HSF5: variants seen among roughly 807,000 people sequenced by gnomAD.
HSF5 encodes the protein heat shock factor protein 5.
Under a neutral mutation model 50.8 loss-of-function variants are expected in HSF5, and 5 were observed. The observed-to-expected ratio is 0.10, with a 90% CI of 0.05 to 0.21. The LOEUF (loss-of-function observed/expected upper bound fraction) is 0.21. HSF5 is among the 10% of genes least tolerant of loss of function. The pLI, the probability that HSF5 is intolerant of heterozygous loss-of-function variation, is 1.00. For missense variants in HSF5, 564 were observed against 762.6 expected, an observed-to-expected ratio of 0.74 and a Z score of 3.07; for synonymous variants, 307 against 307.4, an observed-to-expected ratio of 1.00 and a Z score of 0.02.
intron 5 of HSF5, among the ~76,000 whole-genome samples, chr17:58,429,272 T>C (rs1974334337): frequency 6.6e-6 from 1 of 152,264 alleles, no homozygotes; most frequent in African/African-American, 2.4e-5. Flanking sequence ...AACTGTTTAA[T>C]GGTTATGGGT....
intron 2 of HSF5, among the ~76,000 whole-genome samples, chr17:58,471,388 C>T (rs1219048961): frequency 6.6e-6 from 1 of 152,094 alleles, no homozygotes; most frequent in African/African-American, 2.4e-5. Flanking sequence ...AGAGTAACAG[C>T]ACCAAAAAGC....
chr17:58,472,090 C>A (rs1974954401), intron 2 of HSF5, among the ~76,000 whole-genome samples: 1 of 152,156 alleles, frequency 6.6e-6, no homozygotes, highest in Non-Finnish European at 1.5e-5. Context: ...CTCCTGACCT[C>A]AAGTGATCCA....
chr17:58,428,875 C>T (rs1974330090), intron 5 of HSF5, among the ~76,000 whole-genome samples: 1 of 152,158 alleles, frequency 6.6e-6, no homozygotes, highest in South Asian at 2.1e-4. Context: ...TATGACCCGG[C>T]AATTCCACTT....
intron 5 of HSF5, among the ~76,000 whole-genome samples, chr17:58,446,893 G>A (rs1161563935): frequency 2.0e-5 from 3 of 152,198 alleles, no homozygotes; most frequent in African/African-American, 4.8e-5. Flanking sequence ...TTGGGAGGCC[G>A]AGGAGGGCGG....
intron 5 of HSF5, among the ~76,000 whole-genome samples, chr17:58,433,954 C>T (rs1313554002): frequency 2.2e-5 from 3 of 137,072 alleles, no homozygotes; most frequent in African/African-American, 8.2e-5. Context: ...ACTCTTGTCG[C>T]CCAGGCTGAA....
At chr17:58,460,261 C>T (rs1490892118) in intron 4 of HSF5, among the ~76,000 whole-genome samples, 5 of 152,086 alleles carry the variant, frequency 3.3e-5, no homozygotes, top group Non-Finnish European at 7.4e-5. Flanking sequence ...TCAAGCGATC[C>T]TCCCACCTCA....
intron 5 of HSF5, among the ~76,000 whole-genome samples, chr17:58,425,774 A>G (rs999880914): frequency 5.3e-5 from 8 of 152,166 alleles, no homozygotes; most frequent in Admixed American, 3.3e-4. Flanking sequence ...AGTAGTTAGT[A>G]GATAACTAGG....
At chr17:58,423,936 C>T (rs1049946451) in intron 5 of HSF5, among the ~76,000 whole-genome samples, 2 of 152,266 alleles carry the variant, frequency 1.3e-5, no homozygotes, top group Admixed American at 6.5e-5. Flanking sequence ...ATCCACAGCC[C>T]GAGCAGGATA....
chr17:58,484,219 A>C (rs1975136740), intron 1 of HSF5, among the ~76,000 whole-genome samples: 1 of 151,822 alleles, frequency 6.6e-6, no homozygotes, highest in East Asian at 1.9e-4. Flanking sequence ...AAAAAAAAAA[A>C]CACCAAACAG....
At chr17:58,472,741 C>T (rs1477975778) in intron 2 of HSF5, among the ~76,000 whole-genome samples, 1 of 152,146 alleles carries the variant, frequency 6.6e-6, no homozygotes, top group Non-Finnish European at 1.5e-5. Flanking sequence ...GGGCCCATTA[C>T]AGCAAGCACT....
intron 3 of HSF5, 151 bp from the exon 4 acceptor site, chr17:58,463,454 C>A: frequency 4.6e-6 from 3 of 650,528 alleles, no homozygotes; most frequent in Non-Finnish European, 7.8e-6. Flanking sequence ...TACTTTTCAG[C>A]AATAGTAGCT....
chr17:58,438,059 T>A (rs1356006124), intron 5 of HSF5, among the ~76,000 whole-genome samples: 2 of 151,962 alleles, frequency 1.3e-5, no homozygotes, highest in African/African-American at 4.8e-5. Context: ...TATACCTTTA[T>A]CAAAGCTGGA....
At chr17:58,487,011 G>A (rs745788723) in intron 1 of HSF5, among the ~76,000 whole-genome samples, 1 of 148,542 alleles carries the variant, frequency 6.7e-6, no homozygotes, top group Non-Finnish European at 1.5e-5. Context: ...GGGTTCAAGC[G>A]ATTCTCCTGC....
intron 5 of HSF5, among the ~76,000 whole-genome samples, chr17:58,442,015 T>A (rs1974504943): frequency 6.6e-6 from 1 of 152,214 alleles, no homozygotes. Context: ...AGAAAAGAAT[T>A]TCATAATACT....
At chr17:58,485,072 A>G (rs1201704855) in intron 1 of HSF5, among the ~76,000 whole-genome samples, 1 of 146,892 alleles carries the variant, frequency 6.8e-6, no homozygotes, top group East Asian at 2.1e-4. Flanking sequence ...CTCCTGCCTC[A>G]GCCTCCCGAG....
At chr17:58,482,738 G>GAAAAAAAAAAAAAAAA (rs1975115696) in intron 1 of HSF5, among the ~76,000 whole-genome samples, 1 of 99,552 alleles carries the variant, frequency 1.0e-5, no homozygotes, top group Non-Finnish European at 2.1e-5. Context: ...AAAAAAAAAG[G>GAAAAAAAAAAAAAAAA]AAAGAAAGAA....
chr17:58,425,606 G>C (rs1198160030), intron 5 of HSF5, among the ~76,000 whole-genome samples: 3 of 126,860 alleles, frequency 2.4e-5, no homozygotes, highest in Admixed American at 2.3e-4. Flanking sequence ...AAAAAAACAG[G>C]TTAAAATGGT....
chr17:58,425,515 G>A (rs1360379152), intron 5 of HSF5, among the ~76,000 whole-genome samples: 1 of 127,888 alleles, frequency 7.8e-6, no homozygotes, highest in African/African-American at 2.9e-5. Context: ...AGTGTCCTAT[G>A]ATTGCATCTG....
intron 1 of HSF5, among the ~76,000 whole-genome samples, chr17:58,482,732 A>G (rs1975115407): frequency 6.7e-6 from 1 of 149,242 alleles, no homozygotes; most frequent in South Asian, 2.1e-4. Flanking sequence ...AAAAAAAAAA[A>G]AAAAGGAAAG....
Sources: allele counts gnomAD v4.1 joint callset (sites outside exome capture counted in the v4.1 genomes callset), GRCh38; gene constraint gnomAD v4.1.1; transcripts MANE v1.5; gene names NCBI Gene and HGNC (gene_info 2026-07-23, HGNC 2026-07-21).